The following SLC16A1 variants were observed in gnomAD, a reference collection of about 807,000 sequenced individuals.
The protein encoded by SLC16A1 is solute carrier family 16 member 1, also known as monocarboxylate transporter 1.
In SLC16A1, 11 loss-of-function variants were observed where a neutral mutation model predicts 32.2. The observed-to-expected ratio is 0.34, with a 90% CI of 0.21 to 0.56. The LOEUF (loss-of-function observed/expected upper bound fraction) is 0.56. Ranked by LOEUF, SLC16A1 falls within the 20% of genes least tolerant of loss-of-function variation. SLC16A1 has a pLI of 0.87. For missense variants in SLC16A1, 435 were observed against 615.0 expected, an observed-to-expected ratio of 0.71 and a Z score of 3.10; for synonymous variants, 231 against 226.8, an observed-to-expected ratio of 1.02 and a Z score of -0.17.
In SLC16A1 at chr1:112,929,305, G is replaced by A; in HGVS notation, c.4C>T (p.Pro2Ser). The A allele has an allele frequency of 6.2e-7, 1 of 1,613,562 alleles. No individual in the cohort carries two copies. The highest frequency in any genetic ancestry group is 8.5e-7 in the Non-Finnish European group (1 of 1,179,866). Reference protein sequence around the residue: MPPAVGGPVGYT... With the variant: MSPAVGGPVGYT... ...CCAACTGGACCTCCAACTGCTGGTG[G>A]CATTTTAAGTGTAGATAAATTCCAA... Residue 2 changes from proline to serine, a missense_variant, in exon 2 of 5, where the codon CCA becomes TCA. Pro to Ser is a moderately conservative substitution (Grantham distance 74). Transcript: ENST00000369626.
At chr1:112,921,339 T>C (rs1342584494) in intron 3 of SLC16A1, among the ~76,000 whole-genome samples, 1 of 152,120 alleles carries the variant, frequency 6.6e-6, no homozygotes, top group Non-Finnish European at 1.5e-5. Flanking sequence ...ATACATATAT[T>C]AAAACAAACA....
intron 1 of SLC16A1, among the ~76,000 whole-genome samples, chr1:112,946,052 T>C (rs888059366): frequency 6.6e-6 from 1 of 152,210 alleles, no homozygotes; most frequent in African/African-American, 2.4e-5. Flanking sequence ...TTTTTCCTTT[T>C]ATAGTATTTT....
chr1:112,949,636 T>G (rs1174811739), intron 1 of SLC16A1, among the ~76,000 whole-genome samples: 1 of 152,166 alleles, frequency 6.6e-6, no homozygotes, highest in Non-Finnish European at 1.5e-5. Flanking sequence ...AGGGATTCCT[T>G]TGGCCATTTA....
At chr1:112,947,988 G>C (rs1649758967) in intron 1 of SLC16A1, among the ~76,000 whole-genome samples, 1 of 152,192 alleles carries the variant, frequency 6.6e-6, no homozygotes, top group Non-Finnish European at 1.5e-5. Context: ...GGAGGCCAAG[G>C]TGGGCGGATC....
rs1160557227 is a variant in SLC16A1 at position 112,929,108 on chromosome 1, A to G, written c.201T>C (p.Ala67=). The G allele has an allele frequency of 6.2e-7, 1 of 1,613,582 alleles. No individual in the cohort carries two copies. The highest frequency in any genetic ancestry group is 8.5e-7 in the Non-Finnish European group (1 of 1,179,724). Residue 67 remains alanine, a synonymous_variant, in exon 2 of 5, where the codon GCT becomes GCC. Transcript: ENST00000369626. ...EVSWISSIML[A]VMYGGGPISS... is the part of the protein sequence containing the mutation. Reference sequence around the variant, plus strand: ...GGTACTTACCTCCACCATACATGACAGCCAACATTATGGAGGATATCCATG... The same window carrying G: ...GGTACTTACCTCCACCATACATGACGGCCAACATTATGGAGGATATCCATG...
At chr1:112,924,964 T>C (rs1648887319) in intron 2 of SLC16A1, among the ~76,000 whole-genome samples, 2 of 152,038 alleles carry the variant, frequency 1.3e-5, no homozygotes, top group Non-Finnish European at 2.9e-5. Context: ...GGTAGTACAA[T>C]TGTGAAAAAA....
intron 2 of SLC16A1, among the ~76,000 whole-genome samples, chr1:112,924,833 A>G (rs1648878740): frequency 6.6e-6 from 1 of 152,102 alleles, no homozygotes; most frequent in African/African-American, 2.4e-5. Context: ...TTGCAGTGAG[A>G]TGAGATCGTG....
chr1:112,950,295 T>C (rs1649846560), intron 1 of SLC16A1, among the ~76,000 whole-genome samples: 1 of 152,142 alleles, frequency 6.6e-6, no homozygotes, highest in Admixed American at 6.5e-5. Context: ...TTTCCAAAAC[T>C]CAATAAGACA....
At chr1:112,939,116 C>T (rs931007111) in intron 1 of SLC16A1, among the ~76,000 whole-genome samples, 1 of 151,844 alleles carries the variant, frequency 6.6e-6, no homozygotes, top group Admixed American at 6.6e-5. Context: ...TGGTCTCGAA[C>T]TCCTGACCTC....
intron 1 of SLC16A1, among the ~76,000 whole-genome samples, chr1:112,939,268 A>G (rs1344533106): frequency 1.3e-5 from 2 of 152,234 alleles, no homozygotes; most frequent in African/African-American, 2.4e-5. Flanking sequence ...AAACCCATGT[A>G]CACTGTTGGA....
chr1:112,942,661 T>C (rs1232980873), intron 1 of SLC16A1, among the ~76,000 whole-genome samples: 1 of 152,216 alleles, frequency 6.6e-6, no homozygotes, highest in Non-Finnish European at 1.5e-5. Context: ...ATTTGCAACT[T>C]CAACTAAATT....
chr1:112,924,172 C>A, intron 2 of SLC16A1: 1 of 1,491,936 alleles, frequency 6.7e-7, no homozygotes, highest in Non-Finnish European at 9.3e-7. Flanking sequence ...TACCACCACT[C>A]ACAGCTGCAG....
intron 2 of SLC16A1, among the ~76,000 whole-genome samples, chr1:112,927,965 A>G (rs1331733949): frequency 6.6e-6 from 1 of 152,210 alleles, no homozygotes; most frequent in African/African-American, 2.4e-5. Flanking sequence ...AAATCCTGGC[A>G]GAATGGAGTT....
chr1:112,950,439 A>G (rs1649853260), intron 1 of SLC16A1, among the ~76,000 whole-genome samples: 1 of 152,220 alleles, frequency 6.6e-6, no homozygotes, highest in Admixed American at 6.5e-5. Context: ...TTTTCAATCA[A>G]TGATCAAATA....
chr1:112,944,296 C>T (rs1218573539), intron 1 of SLC16A1, among the ~76,000 whole-genome samples: 1 of 152,060 alleles, frequency 6.6e-6, no homozygotes, highest in South Asian at 2.1e-4. Flanking sequence ...ACAAAAAATA[C>T]AAAAAATTAG....
chr1:112,941,850 G>C (rs905716703), intron 1 of SLC16A1, among the ~76,000 whole-genome samples: 2 of 152,162 alleles, frequency 1.3e-5, no homozygotes, highest in Non-Finnish European at 2.9e-5. Context: ...AGATCTCAGG[G>C]CCCTTTCACC....
In SLC16A1 at chr1:112,917,330, T is replaced by G. The variant is rs1226416477; in HGVS notation, c.1076A>C (p.Tyr359Ser). 6.8e-6 allele frequency: 11 copies of G among 1,614,044 alleles called. No homozygotes were observed. Among genetic ancestry groups the G allele is most frequent in the Non-Finnish European group, 9.3e-6 (11 of 1,180,040 alleles). Residue 359 changes from tyrosine (Y) to serine (S), a missense_variant, in exon 4 of 5, where the codon TAT (tyrosine) becomes TCT (serine). Transcript: ENST00000369626. This position sits in a 1 kb window ranked among gnomAD's most constrained non-coding sequence, Gnocchi z 4.1. ...GAAGGCAAATCCAAAGAATCCCGCA[T>G]AGACACAGAATCCAACATAGGTAGT... is the stretch of plus-strand genomic sequence containing the variant. Reference protein sequence around the residue: ...LSTTYVGFCVYAGFFGFAFGW... With the variant: ...LSTTYVGFCVSAGFFGFAFGW...
At chr1:112,936,576 T>A (rs1454244355) in intron 1 of SLC16A1, among the ~76,000 whole-genome samples, 1 of 152,090 alleles carries the variant, frequency 6.6e-6, no homozygotes, top group African/African-American at 2.4e-5. Context: ...ACCTAATCTC[T>A]TTTTGGATTT....
chr1:112,918,795 C>G (rs1205258215), intron 3 of SLC16A1, among the ~76,000 whole-genome samples: 1 of 152,050 alleles, frequency 6.6e-6, no homozygotes, highest in Non-Finnish European at 1.5e-5. Flanking sequence ...AGAGAAAGAA[C>G]CTGTCTCAAA....
Sources: gnomAD v4.1 joint callset for allele counts (sites outside exome capture counted in the v4.1 genomes callset) on GRCh38, gnomAD v4.1.1 for gene constraint, Gnocchi (gnomAD v3.1) non-coding constraint, MANE v1.5 for transcripts, NCBI Gene and HGNC (gene_info 2026-07-23, HGNC 2026-07-21) for gene names.